DLGAP1: variants seen among roughly 807,000 people sequenced by gnomAD.
DLGAP1 encodes DLG associated protein 1.
In DLGAP1, 11 loss-of-function variants were observed where a neutral mutation model predicts 90.8. That is an observed-to-expected ratio of 0.12 (90% CI 0.08 to 0.20). The LOEUF (loss-of-function observed/expected upper bound fraction) is 0.20, where lower values mean the gene tolerates loss of function less well. Ranked by LOEUF, DLGAP1 falls within the 10% of genes least tolerant of loss-of-function variation. The pLI is 1.00. For synonymous variants in DLGAP1, 558 were observed against 540.7 expected, an observed-to-expected ratio of 1.03 and a Z score of -0.44; for missense variants, 1,050 against 1,333.8, an observed-to-expected ratio of 0.79 and a Z score of 3.31.
At chr18:3,587,789 C>T (rs1272234512) in intron 7 of DLGAP1, among the ~76,000 whole-genome samples, 1 of 152,122 alleles carries the variant, frequency 6.6e-6, no homozygotes, top group Non-Finnish European at 1.5e-5. Context: ...CCGCACACAC[C>T]AGCTTTAAGA....
At chr18:3,882,311 A>G (rs1398372575) in intron 3 of DLGAP1, among the ~76,000 whole-genome samples, 1 of 151,834 alleles carries the variant, frequency 6.6e-6, no homozygotes, top group African/African-American at 2.4e-5. Flanking sequence ...CCAAGGTTGG[A>G]GAATCGCTTG....
intron 1 of DLGAP1, among the ~76,000 whole-genome samples, chr18:4,432,592 G>GTGTGTGTGTGTA (rs1555618010): frequency 2.8e-5 from 3 of 108,160 alleles, no homozygotes; most frequent in African/African-American, 7.5e-5. Context: ...CTCACATAGT[G>GTGTGTGTGTGTA]TGTGTGTGTG....
chr18:3,703,489 G>A (rs968726188), intron 7 of DLGAP1, among the ~76,000 whole-genome samples: 4 of 152,224 alleles, frequency 2.6e-5, no homozygotes, highest in African/African-American at 7.2e-5. Context: ...CTTCAAGCAC[G>A]AAAGTGCAGT....
chr18:3,812,327 G>A (rs978766554), intron 5 of DLGAP1, among the ~76,000 whole-genome samples: 6 of 151,718 alleles, frequency 4.0e-5, no homozygotes, highest in African/African-American at 1.2e-4. Flanking sequence ...TCTGCTAGGC[G>A]CGCCAAAGTG....
At chr18:4,309,981 T>C (rs1156872792) in intron 1 of DLGAP1, among the ~76,000 whole-genome samples, 2 of 152,210 alleles carry the variant, frequency 1.3e-5, no homozygotes, top group Non-Finnish European at 2.9e-5. Flanking sequence ...GGTGATATTA[T>C]GAAATAATTT....
intron 7 of DLGAP1, among the ~76,000 whole-genome samples, chr18:3,627,955 G>T (rs529765332): frequency 7.5e-6 from 1 of 133,750 alleles, no homozygotes; most frequent in South Asian, 2.4e-4. Flanking sequence ...TCGGCTCACT[G>T]CAACCTCCCA....
At chr18:4,368,283 A>C (rs2081824277) in intron 1 of DLGAP1, among the ~76,000 whole-genome samples, 1 of 152,202 alleles carries the variant, frequency 6.6e-6, no homozygotes, top group East Asian at 1.9e-4. Flanking sequence ...TGTGATGGAT[A>C]ATTTGAAATG....
chr18:3,865,411 A>G (rs1726240154), intron 4 of DLGAP1, among the ~76,000 whole-genome samples: 4 of 152,214 alleles, frequency 2.6e-5, no homozygotes, highest in Admixed American at 2.6e-4. Flanking sequence ...ACATGAAATA[A>G]TGTCCTATTA....
intron 7 of DLGAP1, chr18:3,603,016 A>G (rs1156645377): frequency 6.6e-6 from 1 of 152,188 alleles, no homozygotes; most frequent in Non-Finnish European, 1.5e-5. Flanking sequence ...ACAAGAGGAC[A>G]GAGCTAAGGT....
At chr18:3,726,222 G>A (rs189043069) in intron 7 of DLGAP1, among the ~76,000 whole-genome samples, 75 of 152,266 alleles carry the variant, frequency 4.9e-4, no homozygotes, top group East Asian at 1.4e-3. Context: ...CATCTGACCC[G>A]TGCATGTGGG....
chr18:3,741,550 AC>A (rs2063046337), intron 6 of DLGAP1, among the ~76,000 whole-genome samples: 1 of 150,478 alleles, frequency 6.6e-6, no homozygotes, highest in African/African-American at 2.5e-5. Context: ...CAACATCACC[AC>A]CATCACCATC....
intron 1 of DLGAP1, among the ~76,000 whole-genome samples, chr18:4,265,906 T>C (rs148907515): frequency 0.011 from 1,737 of 151,850 alleles, 16 homozygotes; most frequent in Middle Eastern, 0.034. Flanking sequence ...CAGGCTGGTC[T>C]TGAACTCCTT....
At chr18:4,428,390 T>C (rs1453968489) in intron 1 of DLGAP1, among the ~76,000 whole-genome samples, 1 of 152,124 alleles carries the variant, frequency 6.6e-6, no homozygotes, top group Non-Finnish European at 1.5e-5. Context: ...AGACCAGCTA[T>C]GGCCTACACG....
At chr18:4,074,274 A>G (rs1268080790) in intron 2 of DLGAP1, among the ~76,000 whole-genome samples, 1 of 152,068 alleles carries the variant, frequency 6.6e-6, no homozygotes, top group Non-Finnish European at 1.5e-5. Context: ...TTGGATGGAT[A>G]TATTATTTCT....
chr18:3,811,816 C>A (rs2066858706), intron 5 of DLGAP1, among the ~76,000 whole-genome samples: 3 of 152,208 alleles, frequency 2.0e-5, no homozygotes, highest in African/African-American at 7.2e-5. Flanking sequence ...TGATCCTCCA[C>A]ATCCTGAAGC....
At chr18:3,598,990 T>C (rs574777759) in intron 7 of DLGAP1, among the ~76,000 whole-genome samples, 1 of 151,480 alleles carries the variant, frequency 6.6e-6, no homozygotes, top group Non-Finnish European at 1.5e-5. Flanking sequence ...GCCAGGCTGG[T>C]CTCGAACTCC....
rs184825362 is a variant in DLGAP1, at chr18:4,021,658, C to T, written c.-158-16457G>A. On this transcript the variant is annotated intron_variant, in intron 2 of 12. Transcript: ENST00000315677. The stretch of plus-strand genomic sequence containing the variant: ...TGTCGCCCAGGCTGGAGTGCAATGG[C>T]GCGATCTTGGCTCACTACAACCTCC... Among the ~76,000 whole-genome samples, 36 of 152,052 alleles carry T rather than the reference C, an allele frequency of 2.4e-4. 1 individual carries two copies. The highest frequency in any genetic ancestry group is 8.3e-4 in the South Asian group (4 of 4,800).
chr18:3,988,349 C>T (rs568580547), intron 3 of DLGAP1, among the ~76,000 whole-genome samples: 1 of 152,270 alleles, frequency 6.6e-6, no homozygotes, highest in South Asian at 2.1e-4. Context: ...GCTTAATTGT[C>T]ACTTGCCGCT....
intron 1 of DLGAP1, among the ~76,000 whole-genome samples, chr18:4,248,088 C>T (rs537516699): frequency 7.2e-5 from 11 of 152,202 alleles, no homozygotes; most frequent in East Asian, 5.8e-4. Flanking sequence ...CAAATGGTAG[C>T]GTTAGACTTG....
Sources: allele counts gnomAD v4.1 joint callset (sites outside exome capture counted in the v4.1 genomes callset), GRCh38; gene constraint gnomAD v4.1.1; transcripts MANE v1.5; gene names NCBI Gene and HGNC (gene_info 2026-07-23, HGNC 2026-07-21).